The following ROBO1 variants were observed in gnomAD, a reference collection of about 807,000 sequenced individuals.
ROBO1 encodes roundabout guidance receptor 1.
ROBO1 carries 149 observed loss-of-function variants against 195.9 expected under a neutral mutation model. The ratio of observed to expected loss-of-function variants is 0.76; its 90% CI spans 0.67 to 0.87. ROBO1 has a LOEUF of 0.87. Ranked by LOEUF, ROBO1 falls within the 40% of genes least tolerant of loss-of-function variation. ROBO1 has a pLI of 0.00. For missense variants in ROBO1, 1,933 were observed against 2,068.3 expected, an observed-to-expected ratio of 0.93 and a Z score of 1.27; for synonymous variants, 816 against 733.2, an observed-to-expected ratio of 1.11 and a Z score of -1.82.
chr3:79,434,453 G>A (rs550148518), intron 2 of ROBO1, among the ~76,000 whole-genome samples: 5,214 of 152,118 alleles, frequency 0.034, 200 homozygotes, highest in African/African-American at 0.098. Context: ...GCAGCCAACA[G>A]ACACATGAAA....
intron 1 of ROBO1, among the ~76,000 whole-genome samples, chr3:79,621,252 G>T (rs1037343880): frequency 6.6e-6 from 1 of 151,984 alleles, no homozygotes; most frequent in Non-Finnish European, 1.5e-5. Context: ...CCCTGCCCCT[G>T]CCCACAACAG....
chr3:79,197,223 G>A (rs921638105), intron 2 of ROBO1, among the ~76,000 whole-genome samples: 20 of 151,846 alleles, frequency 1.3e-4, no homozygotes, highest in African/African-American at 3.9e-4. Flanking sequence ...GGTGTGTGAT[G>A]TTCCCCTCCC....
intron 19 of ROBO1, among the ~76,000 whole-genome samples, chr3:78,648,321 G>C (rs762396293): frequency 6.6e-6 from 1 of 152,030 alleles, no homozygotes; most frequent in African/African-American, 2.4e-5. Flanking sequence ...AAAAACTTGT[G>C]AATGGACAGA....
chr3:79,456,057 A>G (rs2039610004), intron 2 of ROBO1, among the ~76,000 whole-genome samples: 1 of 152,138 alleles, frequency 6.6e-6, no homozygotes, highest in South Asian at 2.1e-4. Flanking sequence ...GTTCATGCTC[A>G]GGCATTACTT....
intron 2 of ROBO1, among the ~76,000 whole-genome samples, chr3:79,481,636 C>T (rs1166092984): frequency 6.6e-6 from 1 of 152,134 alleles, no homozygotes. Context: ...CTCTGTGCTA[C>T]TGGTATTTAA....
intron 4 of ROBO1, among the ~76,000 whole-genome samples, chr3:78,785,105 C>A (rs2083791764): frequency 1.3e-5 from 2 of 152,170 alleles, no homozygotes; most frequent in Admixed American, 1.3e-4. Context: ...TGCTCAGATA[C>A]ATGACTGCCT....
At chr3:79,560,535 T>TTATA (rs549034591) in intron 2 of ROBO1, among the ~76,000 whole-genome samples, 1,200 of 115,036 alleles carry the variant, frequency 0.01, 25 homozygotes, top group East Asian at 0.028. Context: ...ATAATAATAA[T>TTATA]TATATATATA....
At chr3:79,445,728 A>G (rs566003035) in intron 2 of ROBO1, among the ~76,000 whole-genome samples, 1 of 148,058 alleles carries the variant, frequency 6.8e-6, no homozygotes, top group Admixed American at 6.7e-5. Flanking sequence ...GTGGCGCGAT[A>G]TCGGCTCACT....
intron 3 of ROBO1, among the ~76,000 whole-genome samples, chr3:78,941,079 T>C (rs2040109889): frequency 6.6e-6 from 1 of 152,242 alleles, no homozygotes; most frequent in South Asian, 2.1e-4. Flanking sequence ...CTCCAATTAA[T>C]GTTTTTCTTA....
chr3:79,331,938 C>A (rs921675380), intron 2 of ROBO1, among the ~76,000 whole-genome samples: 2 of 151,958 alleles, frequency 1.3e-5, no homozygotes, highest in Non-Finnish European at 1.5e-5. Context: ...GTCAGGAGAT[C>A]GAGACCATCC....
At chr3:79,126,535 G>T (rs546836091) in intron 2 of ROBO1, among the ~76,000 whole-genome samples, 273 of 152,230 alleles carry the variant, frequency 1.8e-3, no homozygotes, top group African/African-American at 6.2e-3. Flanking sequence ...TTATAGGTCT[G>T]CTACTGAGAA....
At chr3:79,230,089 T>G (rs191438440) in intron 2 of ROBO1, among the ~76,000 whole-genome samples, 1 of 152,186 alleles carries the variant, frequency 6.6e-6, no homozygotes, top group African/African-American at 2.4e-5. Context: ...TTTAGCAAAA[T>G]GGCATGTTCA....
chr3:78,969,971 T>C (rs991231608), intron 3 of ROBO1, among the ~76,000 whole-genome samples: 11 of 152,170 alleles, frequency 7.2e-5, no homozygotes, highest in African/African-American at 2.4e-4. Flanking sequence ...TTTGAAACTT[T>C]GGCAGTTTTA....
At chr3:79,725,126 C>T (rs1285172880) in intron 1 of ROBO1, among the ~76,000 whole-genome samples, 2 of 152,038 alleles carry the variant, frequency 1.3e-5, no homozygotes, top group African/African-American at 4.8e-5. Context: ...CCAGACTTTG[C>T]CAATGATACC....
chr3:79,276,321 A>G (rs1298967991), intron 2 of ROBO1, among the ~76,000 whole-genome samples: 3 of 151,984 alleles, frequency 2.0e-5, no homozygotes, highest in Non-Finnish European at 4.4e-5. Flanking sequence ...AATTTCATAC[A>G]TCTACACTCA....
At chr3:79,077,215 C>T (rs1457826332) in intron 3 of ROBO1, among the ~76,000 whole-genome samples, 1 of 151,854 alleles carries the variant, frequency 6.6e-6, no homozygotes, top group African/African-American at 2.4e-5. Context: ...GTCTCCAGCC[C>T]CTGACAACCA....
chr3:78,887,564 T>G (rs1345091299), intron 4 of ROBO1, among the ~76,000 whole-genome samples: 1 of 151,872 alleles, frequency 6.6e-6, no homozygotes, highest in Non-Finnish European at 1.5e-5. Flanking sequence ...ACAGACAGAG[T>G]TATAGAGATA....
chr3:79,735,621 A>G (rs1211115404), intron 1 of ROBO1, among the ~76,000 whole-genome samples: 4 of 152,220 alleles, frequency 2.6e-5, no homozygotes, highest in Admixed American at 2.6e-4. Context: ...CTGTAATCCC[A>G]GCACTTTGGG....
chr3:79,395,470 C>A (rs1255852143), intron 2 of ROBO1, among the ~76,000 whole-genome samples: 1 of 151,562 alleles, frequency 6.6e-6, no homozygotes, highest in Non-Finnish European at 1.5e-5. Flanking sequence ...ATGAGAGTGC[C>A]AATGAAACAA....
Sources: gnomAD v4.1 joint callset for allele counts (sites outside exome capture counted in the v4.1 genomes callset) on GRCh38, gnomAD v4.1.1 for gene constraint, MANE v1.5 for transcripts, NCBI Gene and HGNC (gene_info 2026-07-23, HGNC 2026-07-21) for gene names.